The following SAMD8 variants were observed in gnomAD, a reference collection of about 807,000 sequenced individuals.
SAMD8 encodes the protein sterile alpha motif domain containing 8.
Under a neutral mutation model 42.0 loss-of-function variants are expected in SAMD8, and 20 were observed. The ratio of observed to expected loss-of-function variants is 0.48; its 90% CI spans 0.34 to 0.69. The LOEUF (loss-of-function observed/expected upper bound fraction) is 0.69. Among genes scored for constraint, SAMD8 ranks in the 30% least tolerant of loss-of-function variants. The pLI, the probability that SAMD8 is intolerant of heterozygous loss-of-function variation, is 0.01. For missense variants in SAMD8, 328 were observed against 511.6 expected (o/e 0.64, Z 3.46); for synonymous variants, 162 against 173.0 (o/e 0.94, Z 0.50).
upstream of SAMD8, among the ~76,000 whole-genome samples, chr10:75,111,213 C>T (rs1200303835): frequency 6.6e-6 from 1 of 152,230 alleles, no homozygotes; most frequent in African/African-American, 2.4e-5. Context: ...TGGGGGCTGG[C>T]TATTGGAGAA....
At chr10:75,174,264 G>A (rs183494491) in intron 4 of SAMD8, among the ~76,000 whole-genome samples, 2 of 152,094 alleles carry the variant, frequency 1.3e-5, no homozygotes, top group African/African-American at 2.4e-5. Context: ...CGAGTAGCTG[G>A]GACTGCAGGT....
intron 2 of SAMD8, among the ~76,000 whole-genome samples, chr10:75,160,504 C>G (rs1001909826): frequency 7.2e-5 from 11 of 151,910 alleles, no homozygotes; most frequent in African/African-American, 2.7e-4. Flanking sequence ...CCATGCCCAG[C>G]CAAGAAAATT....
chr10:75,176,774 T>G lies in SAMD8; in HGVS notation c.*82T>G. The G allele has an allele frequency of 9.7e-7, 1 of 1,032,038 alleles. No individual in the cohort carries two copies. The highest frequency in any genetic ancestry group is 3.0e-5 in the Admixed American group (1 of 33,134). 63.9% of individuals were successfully genotyped at this position (1,032,038 alleles called of 1,614,324 possible). A position where few individuals can be genotyped will look rare whatever the true frequency, so the allele number is the denominator to read the frequency against. ...AACTTTGCGTTCTCCCCCTAGGTTG[T>G]TCTTAGATGCCTGGCTTATGTGTTG... is the stretch of plus-strand genomic sequence containing the variant. On this transcript the variant is annotated 3_prime_UTR_variant, in exon 6 of 6. Coordinates refer to ENST00000542569, the MANE Select transcript of SAMD8 (RefSeq NM_001174156.2). The surrounding 1 kb of genome is among the most constrained non-coding windows in gnomAD (Gnocchi z 4.3).
chr10:75,141,853 CTTTT>C (rs923467183), intron 1 of SAMD8, among the ~76,000 whole-genome samples: 2 of 151,392 alleles, frequency 1.3e-5, no homozygotes, highest in Non-Finnish European at 2.9e-5. Flanking sequence ...CCTTTTGCTT[CTTTT>C]TTTTATCTTA....
intron 1 of SAMD8, 40 bp downstream of exon 1, chr10:75,111,762 G>T: frequency 8.1e-7 from 1 of 1,233,026 alleles, no homozygotes; most frequent in South Asian, 4.1e-5. Flanking sequence ...GAGCTTGGGG[G>T]GCGCCTGCTG....
chr10:75,113,759 T>G (rs1848820986), intron 1 of SAMD8, among the ~76,000 whole-genome samples: 1 of 152,238 alleles, frequency 6.6e-6, no homozygotes, highest in African/African-American at 2.4e-5. Flanking sequence ...TTAATACAAA[T>G]TATCTTCAGT....
chr10:75,176,606 T>C lies in SAMD8; in HGVS notation c.1162T>C (p.Phe388Leu). The stretch of plus-strand genomic sequence containing the variant: ...GATTTGGTTTCCCATGTTCTCTTTT[T>C]TTGAATGCAATGTTAATGGCACAGT... Reference protein sequence around the residue: ...ARIWFPMFSFFECNVNGTVPN... With the variant: ...ARIWFPMFSFLECNVNGTVPN... The change falls in exon 6 of 6, where the codon TTT becomes CTT. Residue 388 changes from phenylalanine (F) to leucine (L), a missense_variant. Phe to Leu is a conservative substitution (Grantham distance 22). Coordinates refer to ENST00000542569, the MANE Select transcript of SAMD8 (RefSeq NM_001174156.2). The surrounding 1 kb of genome is among the most constrained non-coding windows in gnomAD (Gnocchi z 4.3). 1.9e-6 allele frequency: 3 copies of C among 1,550,588 alleles called. No homozygotes were observed. Among genetic ancestry groups the C allele is most frequent in the Non-Finnish European group, 2.6e-6 (3 of 1,146,972 alleles).
upstream of SAMD8, chr10:75,109,040 C>T (rs1327570186): frequency 2.5e-6 from 4 of 1,611,478 alleles, no homozygotes; most frequent in Non-Finnish European, 3.4e-6. Context: ...GGCCAAACTT[C>T]GTCCACACGG....
chr10:75,127,435 A>G (rs1312065763), intron 1 of SAMD8, among the ~76,000 whole-genome samples: 1 of 152,198 alleles, frequency 6.6e-6, no homozygotes, highest in African/African-American at 2.4e-5. Context: ...TAACCCATTT[A>G]TATCAGTTGT....
At chr10:75,121,376 A>G (rs1849001019) in intron 1 of SAMD8, among the ~76,000 whole-genome samples, 1 of 152,178 alleles carries the variant, frequency 6.6e-6, no homozygotes, top group African/African-American at 2.4e-5. Flanking sequence ...TTAACTCTCT[A>G]GCCTTAGTTT....
At position 75,150,414 on chromosome 10, in the gene SAMD8, C is replaced by T. The variant is rs1400318085; in HGVS notation, c.-15-100C>T. Reference sequence around the variant, plus strand: ...TGGGGATTGTAGGCATGAGCCACTGCGCCTGGCCTGTTTCTGGTGTATTTA... The same window carrying T: ...TGGGGATTGTAGGCATGAGCCACTGTGCCTGGCCTGTTTCTGGTGTATTTA... On this transcript the variant is annotated intron_variant, in intron 1 of 5. Coordinates refer to ENST00000542569, the MANE Select transcript of SAMD8 (RefSeq NM_001174156.2). 44 of 1,467,764 alleles carry T rather than the reference C, an allele frequency of 3.0e-5. No individual in the cohort carries two copies. In the East Asian group the frequency reaches 6.6e-4, roughly 22 times the overall value. The allele number at this position is 1,467,764 out of a possible 1,614,324, so 90.9% of individuals were successfully genotyped here. A position where few individuals can be genotyped will look rare whatever the true frequency, so the allele number is the denominator to read the frequency against.
chr10:75,147,252 A>C (rs965098297), intron 1 of SAMD8, among the ~76,000 whole-genome samples: 7 of 152,344 alleles, frequency 4.6e-5, no homozygotes, highest in Non-Finnish European at 7.3e-5. Context: ...CATTGGTGGT[A>C]AGCTGTTAGA....
rs11441219 is a variant in SAMD8 at position 75,127,187 on chromosome 10, C to CAAA, written c.-16+15481_-16+15483dup. ...CTGGGCACAGAGCGAGACTCTGTCT[C>CAAA]AAAAAAAAAAAAAAAAAATCTTTGT... On this transcript the variant is annotated intron_variant, in intron 1 of 5. Transcript: ENST00000542569. Among the ~76,000 whole-genome samples the CAAA allele has an allele frequency of 1.8e-3, 215 of 117,022 alleles. 1 individual carries two copies. The highest frequency in any genetic ancestry group is 6.1e-3 in the African/African-American group (202 of 33,292). The allele number at this position is 117,022 out of a possible 152,430, so 76.8% of individuals were successfully genotyped here. A position where few individuals can be genotyped will look rare whatever the true frequency, so the allele number is the denominator to read the frequency against.
At chr10:75,101,755 A>AC in intron 1 of SAMD8, 6 of 632,648 alleles carry the variant, frequency 9.5e-6, no homozygotes, top group Admixed American at 2.2e-5. Flanking sequence ...TCGGTTCTCT[A>AC]CCCAACCCAA....
At chr10:75,133,415 G>T (rs766463311) in intron 1 of SAMD8, among the ~76,000 whole-genome samples, 5 of 152,018 alleles carry the variant, frequency 3.3e-5, no homozygotes, top group Non-Finnish European at 7.4e-5. Flanking sequence ...AAAATAAAAT[G>T]AAATAGAACT....
chr10:75,135,982 T>C (rs1055507810), intron 1 of SAMD8, among the ~76,000 whole-genome samples: 1 of 152,086 alleles, frequency 6.6e-6, no homozygotes, highest in African/African-American at 2.4e-5. Context: ...TCTTGATTAC[T>C]CTATCTTTCC....
At chr10:75,111,157 G>C (rs188959323), upstream of SAMD8, among the ~76,000 whole-genome samples, 1 of 152,360 alleles carries the variant, frequency 6.6e-6, no homozygotes, top group East Asian at 1.9e-4. Context: ...GTTTGGCATA[G>C]ACACTGTCAA....
upstream of SAMD8, chr10:75,108,422 T>G (rs960885473): frequency 4.7e-5 from 39 of 827,448 alleles, no homozygotes; most frequent in African/African-American, 6.7e-4. Flanking sequence ...TCGGGGGATC[T>G]TTAGACCCTC....
At chr10:75,157,638 G>A (rs1249473154) in intron 2 of SAMD8, among the ~76,000 whole-genome samples, 1 of 152,218 alleles carries the variant, frequency 6.6e-6, no homozygotes, top group African/African-American at 2.4e-5. Context: ...AGGAGAGTAG[G>A]AGAGTGAATA....
Sources: gnomAD v4.1 joint callset for allele counts (sites outside exome capture counted in the v4.1 genomes callset) on GRCh38, gnomAD v4.1.1 for gene constraint, Gnocchi (gnomAD v3.1) non-coding constraint, MANE v1.5 for transcripts, NCBI Gene and HGNC (gene_info 2026-07-23, HGNC 2026-07-21) for gene names.